The following TMEM8B variants were observed in gnomAD, a reference collection of about 807,000 sequenced individuals.
The protein encoded by TMEM8B is transmembrane protein 8B, also known as nasopharyngeal carcinoma expressed 6.
Under a neutral mutation model 49.3 loss-of-function variants are expected in TMEM8B, and 29 were observed. The observed-to-expected ratio is 0.59, with a 90% CI of 0.44 to 0.80. The LOEUF (loss-of-function observed/expected upper bound fraction) is 0.80. Among genes scored for constraint, TMEM8B ranks in the 30% least tolerant of loss-of-function variants. The pLI, the probability that TMEM8B is intolerant of heterozygous loss-of-function variation, is 0.00. For synonymous variants in TMEM8B, 264 were observed against 272.8 expected (o/e 0.97, Z 0.32); for missense variants, 575 against 658.5 (o/e 0.87, Z 1.39).
rs1361928868 is a variant in TMEM8B at position 35,853,820 on chromosome 9, A to G, written c.2755A>G (p.Ser919Gly). 1 of 1,548,200 alleles carries G rather than the reference A, an allele frequency of 6.5e-7. No individual in the cohort carries two copies. The highest frequency in any genetic ancestry group is 8.7e-7 in the Non-Finnish European group (1 of 1,150,084). The change falls in exon 13 of 13, where the codon AGC becomes GGC. Residue 919 changes from serine to glycine, a missense_variant. Transcript: ENST00000643932. The surrounding 1 kb of genome is among the most constrained non-coding windows in gnomAD (Gnocchi z 4.2). ...GLVGPGGATV[S>G]SICAS ...CGTGGGCCCAGGAGGGGCCACTGTCAGCAGCATCTGTGCCAGCTGAGAGGG... is the reference window on the plus strand; with the variant it reads ...CGTGGGCCCAGGAGGGGCCACTGTCGGCAGCATCTGTGCCAGCTGAGAGGG...
In TMEM8B at chr9:35,855,399, CTT is replaced by C. The variant is rs60229855; in HGVS notation, c.*1569_*1570del. The C allele has an allele frequency of 2.7e-5, 4 of 147,434 alleles. No homozygotes were observed. Among genetic ancestry groups the C allele is most frequent in the Admixed American group, 6.8e-5 (1 of 14,722 alleles). 9.1% of individuals were successfully genotyped at this position (147,434 alleles called of 1,614,324 possible). ...CCTTACTTAATGTTTTCTCCTGAAT[CTT>C]TTTTTTTTTGAGACGGAGTTTTGCT... On this transcript the variant is annotated 3_prime_UTR_variant, in exon 13 of 13. Transcript: ENST00000643932.
chr9:35,854,120 G>A lies in TMEM8B; in HGVS notation c.*280G>A. ...AAGGAGTCCCTCCTGCAGGTGTGGA[G>A]CCTTTCCTGGGATGCAGAGCCTTCC... On this transcript the variant is annotated 3_prime_UTR_variant, in exon 13 of 13. Transcript: ENST00000643932. The A allele has an allele frequency of 1.1e-6, 1 of 927,694 alleles. No individual in the cohort carries two copies. Among genetic ancestry groups the A allele is most frequent in the South Asian group, 5.4e-5 (1 of 18,522 alleles). The allele number at this position is 927,694 out of a possible 1,614,324, so 57.5% of individuals were successfully genotyped here. A position where few individuals can be genotyped will look rare whatever the true frequency, so the allele number is the denominator to read the frequency against.
In TMEM8B at chr9:35,834,458, C is replaced by T. The variant is rs1830242006; in HGVS notation, c.509-3C>T. 2 of 415,568 alleles carry T rather than the reference C, an allele frequency of 4.8e-6. No homozygotes were observed. Among genetic ancestry groups the T allele is most frequent in the Middle Eastern group, 3.7e-4 (1 of 2,738 alleles). The allele number at this position is 415,568 out of a possible 1,614,324, so 25.7% of individuals were successfully genotyped here. On this transcript the variant is annotated splice_region_variant and splice_polypyrimidine_tract_variant and intron_variant, in intron 1 of 12. Coordinates refer to ENST00000643932, the MANE Select transcript of TMEM8B (RefSeq NM_001042590.4). ...GCTCCTTTCTCTCTCTCCTGCTTCC[C>T]AGGAGGCCTTTTCCTGACTGATTAC...
chr9:35,833,815 C>G (rs1161243463), intron 1 of TMEM8B, among the ~76,000 whole-genome samples: 1 of 152,106 alleles, frequency 6.6e-6, no homozygotes, highest in African/African-American at 2.4e-5. Context: ...CAAGCAGGCC[C>G]CTGGCAGCCG....
chr9:35,844,409 C>G (rs1184061384), intron 6 of TMEM8B, among the ~76,000 whole-genome samples: 3 of 152,254 alleles, frequency 2.0e-5, no homozygotes, highest in Admixed American at 6.5e-5. Flanking sequence ...AGCCAGGGAT[C>G]CTTTTAACTC....
At chr9:35,839,758 T>C (rs970681286) in intron 3 of TMEM8B, among the ~76,000 whole-genome samples, 12 of 152,142 alleles carry the variant, frequency 7.9e-5, no homozygotes, top group African/African-American at 2.7e-4. Flanking sequence ...CAGTGACTTA[T>C]GAGAGTCTTT....
chr9:35,847,357 A>G, intron 10 of TMEM8B: 1 of 601,438 alleles, frequency 1.7e-6, no homozygotes, highest in Non-Finnish European at 3.0e-6. Context: ...GTATGGGGGC[A>G]GGAAATCTAT....
rs1345395070 is a variant in TMEM8B at position 35,861,826 on chromosome 9, C to T, written c.*7986C>T. 1 of 152,220 alleles carries T rather than the reference C, an allele frequency of 6.6e-6. No homozygotes were observed. The allele number at this position is 152,220 out of a possible 1,614,324, so 9.4% of individuals were successfully genotyped here. A position where few individuals can be genotyped will look rare whatever the true frequency, so the allele number is the denominator to read the frequency against. ...CAGGTGCCTCCTCTATCTACAGGTT[C>T]CTGCTCCATCTATACTAGCCACCTC... On this transcript the variant is annotated 3_prime_UTR_variant, in exon 13 of 13. Transcript: ENST00000643932.
In TMEM8B at chr9:35,860,035, A is replaced by C. The variant is rs1315221511; in HGVS notation, c.*6195A>C. Reference sequence around the variant, plus strand: ...ACCCAGCTTTTTGGAAAAAGCTCCAACTGGCCTGGGAGCCCAGTGACCTGA... The same window carrying C: ...ACCCAGCTTTTTGGAAAAAGCTCCACCTGGCCTGGGAGCCCAGTGACCTGA... On this transcript the variant is annotated 3_prime_UTR_variant, in exon 13 of 13. Coordinates refer to ENST00000643932, the MANE Select transcript of TMEM8B (RefSeq NM_001042590.4). 6.6e-6 allele frequency: 1 copy of C among 152,214 alleles called. No homozygotes were observed. The highest frequency in any genetic ancestry group is 1.5e-5 in the Non-Finnish European group (1 of 68,042). 9.4% of individuals were successfully genotyped at this position (152,214 alleles called of 1,614,324 possible).
At chr9:35,832,344 T>G (rs2132212810) in intron 1 of TMEM8B, among the ~76,000 whole-genome samples, 1 of 152,228 alleles carries the variant, frequency 6.6e-6, no homozygotes, top group South Asian at 2.1e-4. Flanking sequence ...GTAGGCCCTG[T>G]TCAAACCGCA....
In TMEM8B at chr9:35,862,633, G is replaced by C. The variant is rs1216304506; in HGVS notation, c.*8793G>C. 2.0e-5 allele frequency: 3 copies of C among 152,346 alleles called. No homozygotes were observed. The highest frequency in any genetic ancestry group is 7.2e-5 in the African/African-American group (3 of 41,448). The allele number at this position is 152,346 out of a possible 1,614,324, so 9.4% of individuals were successfully genotyped here. ...ACTCCCTGTCTTTTGGACAAAGCCT[G>C]TGTGCTCCAGTCCCATCCCTCTTCT... On this transcript the variant is annotated 3_prime_UTR_variant, in exon 13 of 13. Coordinates refer to ENST00000643932, the MANE Select transcript of TMEM8B (RefSeq NM_001042590.4).
intron 10 of TMEM8B, among the ~76,000 whole-genome samples, chr9:35,852,431 G>A (rs147298629): frequency 3.7e-4 from 57 of 152,220 alleles, no homozygotes; most frequent in African/African-American, 1.3e-3. Context: ...GGGAGATTTG[G>A]TTTCTGGGTA....
intron 6 of TMEM8B, chr9:35,845,744 T>C (rs1831460248): frequency 8.1e-6 from 8 of 985,338 alleles, no homozygotes; most frequent in African/African-American, 1.7e-5. Flanking sequence ...AGATTCAAAA[T>C]TGGGCCTTGC....
At position 35,842,516 on chromosome 9, in the gene TMEM8B, TG is replaced by T. The variant is rs766711622; in HGVS notation, c.1437del (p.Thr480ProfsTer46). 1 of 1,613,446 alleles carries T rather than the reference TG, an allele frequency of 6.2e-7. No individual in the cohort carries two copies. The highest frequency in any genetic ancestry group is 8.5e-7 in the Non-Finnish European group (1 of 1,179,640). Reference protein sequence around the residue: ...PSLGTPAEGPGTTSPPEHCWP... With the variant: ...PSLGTPAEGPXTTSPPEHCWP... ...CCCTTGGAACCCCTGCGGAGGGGCC[TG>T]GGACCACGTCCCCACCCGAGCACTG... is the stretch of plus-strand genomic sequence containing the variant. On this transcript the variant is annotated frameshift_variant, in exon 6 of 13. Coordinates refer to ENST00000643932, the MANE Select transcript of TMEM8B (RefSeq NM_001042590.4). LOFTEE classifies it high-confidence loss of function. The surrounding 1 kb of genome is among the most constrained non-coding windows in gnomAD (Gnocchi z 5.6).
In TMEM8B at chr9:35,865,273, AC is replaced by A. The variant is rs1832718815; in HGVS notation, c.*11435del. 1 of 152,160 alleles carries A rather than the reference AC, an allele frequency of 6.6e-6. No individual in the cohort carries two copies. The highest frequency in any genetic ancestry group is 1.9e-4 in the East Asian group (1 of 5,190). 9.4% of individuals were successfully genotyped at this position (152,160 alleles called of 1,614,324 possible). A position where few individuals can be genotyped will look rare whatever the true frequency, so the allele number is the denominator to read the frequency against. ...GTCTCCTTCCAGGATTGCCGTAAGGACCTGGATTCATCAAAGCTTAAAGTAA... is the reference window on the plus strand; with the variant it reads ...GTCTCCTTCCAGGATTGCCGTAAGGACTGGATTCATCAAAGCTTAAAGTAA... On this transcript the variant is annotated 3_prime_UTR_variant, in exon 13 of 13. Transcript: ENST00000643932.
At chr9:35,834,043 C>CACACACAA (rs1004973828) in intron 1 of TMEM8B, among the ~76,000 whole-genome samples, 1 of 150,412 alleles carries the variant, frequency 6.6e-6, no homozygotes, top group African/African-American at 2.4e-5. Flanking sequence ...CACACACACA[C>CACACACAA]ACACACACAC....
rs1012150476 is a variant in TMEM8B, at chr9:35,846,356, C to G, written c.1828C>G (p.Arg610Gly). 8 of 1,613,710 alleles carry G rather than the reference C, an allele frequency of 5.0e-6. No homozygotes were observed. The highest frequency in any genetic ancestry group is 6.8e-6 in the Non-Finnish European group (8 of 1,179,980). The change falls in exon 8 of 13, where the codon CGC becomes GGC. Residue 610 changes from arginine to glycine, a missense_variant. Physicochemically the swap from Arg to Gly is moderately radical, Grantham distance 125 (BLOSUM62 -2). Transcript: ENST00000643932. ...GACGGGGACCTGGTTCCTGGCCCTC[C>G]GCTCCCTGTGCGGGGTGGGGCCTCG... ...PQTGTWFLAL[R>G]SLCGVGPRFV...
At chr9:35,832,168 G>GGTGTGTGTGT (rs34044138) in intron 1 of TMEM8B, among the ~76,000 whole-genome samples, 211 of 146,842 alleles carry the variant, frequency 1.4e-3, no homozygotes, top group African/African-American at 4.8e-3. Context: ...TAGGTGTAGG[G>GGTGTGTGTGT]GTGTGTGTGT....
At position 35,859,120 on chromosome 9, in the gene TMEM8B, G is replaced by A. The variant is rs1832605155; in HGVS notation, c.*5280G>A. The stretch of plus-strand genomic sequence containing the variant: ...GCAGCTTTCACCTCTGCATTCCTCA[G>A]GCTGTAAATGATGGGGTTCAGCGAG... On this transcript the variant is annotated 3_prime_UTR_variant, in exon 13 of 13. Coordinates refer to ENST00000643932, the MANE Select transcript of TMEM8B (RefSeq NM_001042590.4). The A allele has an allele frequency of 6.4e-6, 1 of 155,758 alleles. No homozygotes were observed. The allele number at this position is 155,758 out of a possible 1,614,324, so 9.6% of individuals were successfully genotyped here. A position where few individuals can be genotyped will look rare whatever the true frequency, so the allele number is the denominator to read the frequency against.
Sources: gnomAD v4.1 joint callset for allele counts (sites outside exome capture counted in the v4.1 genomes callset) on GRCh38, gnomAD v4.1.1 for gene constraint, Gnocchi (gnomAD v3.1) non-coding constraint, MANE v1.5 for transcripts, NCBI Gene and HGNC (gene_info 2026-07-23, HGNC 2026-07-21) for gene names.